INSC: variants seen among roughly 807,000 people sequenced by gnomAD.
INSC encodes the protein protein inscuteable homolog.
A neutral mutation model predicts 58.6 loss-of-function variants in INSC; 67 were observed. That is an observed-to-expected ratio of 1.14 (90% CI 0.94 to 1.40). INSC has a LOEUF of 1.40. INSC is among the 40% of genes most tolerant of loss of function. INSC has a pLI of 0.00. For missense variants in INSC, 714 were observed against 692.0 expected (o/e 1.03, Z -0.36); for synonymous variants, 262 against 276.1 (o/e 0.95, Z 0.51).
chr11:15,143,443 T>C (rs572262023), intron 1 of INSC, among the ~76,000 whole-genome samples: 2 of 152,204 alleles, frequency 1.3e-5, no homozygotes, highest in East Asian at 3.9e-4. Context: ...GAGGCGTGGC[T>C]TGCTGCAGGG....
intron 2 of INSC, among the ~76,000 whole-genome samples, chr11:15,154,378 T>A (rs1380552228): frequency 6.6e-6 from 1 of 152,254 alleles, no homozygotes; most frequent in Admixed American, 6.5e-5. Flanking sequence ...ATTTTTTTAG[T>A]ATAAAATTGC....
chr11:15,116,921 C>CTTCCTTCCT (rs1564853991), intron 1 of INSC, among the ~76,000 whole-genome samples: 1 of 20,590 alleles, frequency 4.9e-5, no homozygotes, highest in Non-Finnish European at 8.9e-5. Context: ...CCCTCCCTCC[C>CTTCCTTCCT]TCCTTCCTTC....
intron 12 of INSC, 150 bp downstream of exon 12, chr11:15,240,673 A>C: frequency 1.5e-6 from 1 of 654,422 alleles, no homozygotes; most frequent in South Asian, 1.8e-5. Context: ...GAACATTGTA[A>C]TATTTGTTTC....
chr11:15,241,238 A>G (rs1852338470), intron 12 of INSC, among the ~76,000 whole-genome samples: 1 of 152,156 alleles, frequency 6.6e-6, no homozygotes, highest in Non-Finnish European at 1.5e-5. Flanking sequence ...TAGGGAAGCC[A>G]CTCTATAAAC....
intron 9 of INSC, among the ~76,000 whole-genome samples, chr11:15,226,107 G>A (rs954849295): frequency 3.3e-5 from 5 of 151,850 alleles, no homozygotes; most frequent in African/African-American, 7.3e-5. Context: ...GCCTCCCTAC[G>A]AGATCTCCTA....
chr11:15,155,440 C>A (rs1020532077), intron 2 of INSC, among the ~76,000 whole-genome samples: 3 of 152,306 alleles, frequency 2.0e-5, no homozygotes, highest in Middle Eastern at 3.4e-3. Context: ...GGTTTGTTTA[C>A]AATTATTTAG....
chr11:15,112,576 G>A (rs771563573), upstream of INSC: 14 of 1,523,306 alleles, frequency 9.2e-6, no homozygotes, highest in South Asian at 1.5e-4. Flanking sequence ...GTATGTATCT[G>A]GGAAGGTGGA....
chr11:15,113,143 T>TTCTTTCTTTCTTTCTTTCTTTCTCTC, upstream of INSC, among the ~76,000 whole-genome samples: 274 of 98,676 alleles, frequency 2.8e-3, 9 homozygotes, highest in East Asian at 0.015. Context: ...CTTTCTTTCT[T>TTCTTTCTTTCTTTCTTTCTTTCTCTC]TCTGTCTCTC....
the INSC span, among the ~76,000 whole-genome samples, chr11:15,263,323 A>G: frequency 6.6e-6 from 1 of 152,142 alleles, no homozygotes; most frequent in Non-Finnish European, 1.5e-5. Flanking sequence ...AAAACTTCCA[A>G]CTTTGGTGAA....
At chr11:15,229,962 ATATATATATATAT>A (rs1564916942) in intron 9 of INSC, among the ~76,000 whole-genome samples, 776 of 28,192 alleles carry the variant, frequency 0.028, 73 homozygotes, top group East Asian at 0.24. Flanking sequence ...ATATATATTT[ATATATATATATAT>A]ATATTATATA....
chr11:15,242,893 C>CTGAT (rs1184573446), intron 12 of INSC, among the ~76,000 whole-genome samples: 7 of 152,142 alleles, frequency 4.6e-5, no homozygotes, highest in Non-Finnish European at 1.0e-4. Flanking sequence ...ATAGGCCTGC[C>CTGAT]TGATTCTAGA....
chr11:15,216,699 C>T (rs975507979), intron 7 of INSC, among the ~76,000 whole-genome samples: 3 of 152,194 alleles, frequency 2.0e-5, no homozygotes, highest in Admixed American at 6.5e-5. Flanking sequence ...GATGTCTAAA[C>T]AAGTGGTTAA....
chr11:15,238,859 G>T, intron 10 of INSC, 60 bp from the exon 11 acceptor site: 1 of 1,555,078 alleles, frequency 6.4e-7, no homozygotes, highest in Non-Finnish European at 8.8e-7. Flanking sequence ...TGTCCAGCTG[G>T]CCCCATGGGG....
chr11:15,238,216 T>C (rs1037530251), intron 10 of INSC, among the ~76,000 whole-genome samples: 1 of 152,098 alleles, frequency 6.6e-6, no homozygotes, highest in African/African-American at 2.4e-5. Flanking sequence ...AGAAGACAAA[T>C]CTGGTTTCAG....
chr11:15,190,545 C>A (rs1850125745), intron 5 of INSC, among the ~76,000 whole-genome samples, 156 bp from the exon 6 acceptor site: 1 of 152,164 alleles, frequency 6.6e-6, no homozygotes, highest in African/African-American at 2.4e-5. Context: ...TTTCCCAAAG[C>A]TAGAACTTCA....
chr11:15,196,775 C>A (rs1850387451), intron 6 of INSC, among the ~76,000 whole-genome samples: 1 of 152,184 alleles, frequency 6.6e-6, no homozygotes, highest in South Asian at 2.1e-4. Flanking sequence ...CATATTTTAA[C>A]CTCTCAATGA....
Position 15,225,672 on chromosome 11 carries a change from A to G in INSC, c.1014A>G (p.Ser338=). 6.2e-7 allele frequency: 1 copy of G among 1,614,148 alleles called. No homozygotes were observed. The highest frequency in any genetic ancestry group is 8.5e-7 in the Non-Finnish European group (1 of 1,180,012). Residue 338 remains serine, a synonymous_variant, in exon 9 of 13, where the codon TCA becomes TCG. Transcript: ENST00000379556. The part of the protein sequence containing the change: ...ALVKLCQEAS[S]GEVFLLASAA... ...CAGAACTGTGCCAAGAGGCCTCATC[A>G]GGGGAAGTCTTCCTACTGGCCTCTG... is the stretch of plus-strand genomic sequence containing the variant.
At chr11:15,155,810 C>T (rs1848796433) in intron 2 of INSC, among the ~76,000 whole-genome samples, 1 of 152,198 alleles carries the variant, frequency 6.6e-6, no homozygotes, top group Non-Finnish European at 1.5e-5. Context: ...TAGATTTCCA[C>T]AAACTATTCA....
At chr11:15,128,804 T>C (rs1848058926) in intron 1 of INSC, among the ~76,000 whole-genome samples, 1 of 152,234 alleles carries the variant, frequency 6.6e-6, no homozygotes, top group Non-Finnish European at 1.5e-5. Context: ...AGATTAGGGC[T>C]GCAGCAAGCC....
Sources: gnomAD v4.1 joint callset for allele counts (sites outside exome capture counted in the v4.1 genomes callset) on GRCh38, gnomAD v4.1.1 for gene constraint, MANE v1.5 for transcripts, NCBI Gene and HGNC (gene_info 2026-07-23, HGNC 2026-07-21) for gene names.